AFG1L: variants seen among roughly 807,000 people sequenced by gnomAD.
AFG1L encodes AFG1 like ATPase, also known as AFG1-like ATPase.
In AFG1L, 53 loss-of-function variants were observed where a neutral mutation model predicts 62.2. The observed-to-expected ratio is 0.85, with a 90% CI of 0.68 to 1.07. The LOEUF is 1.07. AFG1L is among the 50% of genes least tolerant of loss of function. AFG1L has a pLI of 0.00. For synonymous variants in AFG1L, 228 were observed against 210.3 expected (o/e 1.08, Z -0.73); for missense variants, 555 against 590.5 (o/e 0.94, Z 0.62).
At chr6:108,487,358 A>G (rs1468047200) in intron 10 of AFG1L, among the ~76,000 whole-genome samples, 2 of 152,178 alleles carry the variant, frequency 1.3e-5, no homozygotes, top group South Asian at 4.1e-4. Context: ...CCGGGGCAAC[A>G]TAGCAAGACT....
At chr6:108,423,972 TTTATAA>T (rs1262515772) in intron 7 of AFG1L, among the ~76,000 whole-genome samples, 5 of 152,136 alleles carry the variant, frequency 3.3e-5, no homozygotes, top group African/African-American at 1.2e-4. Flanking sequence ...AACTTAAATC[TTTATAA>T]TTATTAACTG....
Position 108,368,701 on chromosome 6 carries a change from G to C in AFG1L, c.748+2369G>C, listed in dbSNP as rs148956239. 1.5e-4 allele frequency among the ~76,000 whole-genome samples: 23 copies of C among 152,248 alleles called. 1 individual carries two copies. In the East Asian group the frequency reaches 4.3e-3, roughly 28 times the overall value. On this transcript the variant is annotated intron_variant, in intron 6 of 12. Coordinates refer to ENST00000368977, the MANE Select transcript of AFG1L (RefSeq NM_145315.5). Reference sequence around the variant, plus strand: ...AGACATTCAGTGACAAGCTATGCTCGTAAATAGCAAAGAGCTAGAACAATT... The same window carrying C: ...AGACATTCAGTGACAAGCTATGCTCCTAAATAGCAAAGAGCTAGAACAATT...
At chr6:108,368,876 G>A (rs560177705) in intron 6 of AFG1L, among the ~76,000 whole-genome samples, 2 of 152,272 alleles carry the variant, frequency 1.3e-5, no homozygotes, top group Admixed American at 6.5e-5. Flanking sequence ...CAAAGCTACC[G>A]GTGTGTCAGG....
chr6:108,398,208 G>T (rs940441465), intron 6 of AFG1L, among the ~76,000 whole-genome samples: 5 of 152,274 alleles, frequency 3.3e-5, no homozygotes, highest in African/African-American at 1.2e-4. Context: ...GATCAATGAT[G>T]TTGAGCACTT....
chr6:108,385,261 G>A lies in AFG1L; in HGVS notation c.749-16735G>A, dbSNP rs532059403. 1.1e-4 allele frequency among the ~76,000 whole-genome samples: 16 copies of A among 152,378 alleles called. No individual in the cohort carries two copies. The South Asian group carries it at 2.3e-3, about 22-fold the overall frequency. On this transcript the variant is annotated intron_variant, in intron 6 of 12. Transcript: ENST00000368977. Reference sequence around the variant, plus strand: ...ACTGGCCATAAACAAAATCTCTGCAGCACTGTGACACATTTGTGATGGCCA... The same window carrying A: ...ACTGGCCATAAACAAAATCTCTGCAACACTGTGACACATTTGTGATGGCCA...
chr6:108,438,466 T>A (rs1771405361), intron 7 of AFG1L, among the ~76,000 whole-genome samples: 1 of 152,178 alleles, frequency 6.6e-6, no homozygotes, highest in Non-Finnish European at 1.5e-5. Flanking sequence ...AGGCTCTGTC[T>A]CCAAATACAG....
chr6:108,461,531 T>C (rs1772462119), intron 8 of AFG1L, among the ~76,000 whole-genome samples: 1 of 152,098 alleles, frequency 6.6e-6, no homozygotes, highest in Admixed American at 6.6e-5. Flanking sequence ...CCATCTCAGC[T>C]CACTGCAGCC....
At chr6:108,462,287 C>T (rs1772490983) in intron 8 of AFG1L, among the ~76,000 whole-genome samples, 1 of 151,716 alleles carries the variant, frequency 6.6e-6, no homozygotes. Context: ...GCCTGTGGTC[C>T]CAGCTGCTTG....
intron 7 of AFG1L, among the ~76,000 whole-genome samples, chr6:108,418,373 G>A (rs748055310): frequency 1.3e-5 from 2 of 152,146 alleles, no homozygotes; most frequent in African/African-American, 2.4e-5. Context: ...GGAGACTTAC[G>A]GCTTTCAAAG....
At chr6:108,505,240 C>A (rs992314488) in intron 10 of AFG1L, among the ~76,000 whole-genome samples, 13 of 151,980 alleles carry the variant, frequency 8.6e-5, no homozygotes, top group Non-Finnish European at 1.5e-5. Context: ...ATTGCAGGCG[C>A]CTGCCGCCGC....
chr6:108,476,983 G>A, intron 9 of AFG1L, 48 bp downstream of exon 9: 3 of 1,499,596 alleles, frequency 2.0e-6, no homozygotes, highest in South Asian at 1.1e-5. Context: ...AGAACACAAT[G>A]CCCAATCTCC....
intron 7 of AFG1L, among the ~76,000 whole-genome samples, chr6:108,418,614 A>C (rs1770439781): frequency 6.6e-6 from 1 of 152,188 alleles, no homozygotes; most frequent in African/African-American, 2.4e-5. Context: ...GATCGAAGGG[A>C]GGAAGCTTGG....
chr6:108,308,546 C>T (rs1018070403), intron 1 of AFG1L, among the ~76,000 whole-genome samples: 2 of 151,940 alleles, frequency 1.3e-5, no homozygotes, highest in Non-Finnish European at 2.9e-5. Context: ...TGGGGTTTTG[C>T]TCTGTTGCCC....
intron 10 of AFG1L, among the ~76,000 whole-genome samples, chr6:108,501,434 C>T (rs1408275356): frequency 6.6e-6 from 1 of 152,186 alleles, no homozygotes; most frequent in Non-Finnish European, 1.5e-5. Flanking sequence ...ATGAAGGAAG[C>T]TAGATGAAAT....
intron 2 of AFG1L, among the ~76,000 whole-genome samples, chr6:108,329,146 G>T (rs1172626376): frequency 4.4e-5 from 6 of 136,902 alleles, no homozygotes; most frequent in Non-Finnish European, 7.8e-5. Flanking sequence ...TTGCCATGTT[G>T]CCCAGGCTGG....
At chr6:108,502,196 TTTTGTTTGTTTG>T (rs939111401) in intron 10 of AFG1L, among the ~76,000 whole-genome samples, 3 of 151,330 alleles carry the variant, frequency 2.0e-5, no homozygotes, top group Admixed American at 6.6e-5. Context: ...TGGTTTTGCT[TTTTGTTTGTTTG>T]TTTGTTTGTT....
At chr6:108,519,881 C>T (rs1030389532) in intron 12 of AFG1L, 71 bp downstream of exon 12, 8 of 905,532 alleles carry the variant, frequency 8.8e-6, no homozygotes, top group Non-Finnish European at 1.4e-5. Flanking sequence ...TGCATGGCTA[C>T]ATTTTGAAGA....
At chr6:108,451,913 C>A (rs1310707228) in intron 8 of AFG1L, among the ~76,000 whole-genome samples, 2 of 152,092 alleles carry the variant, frequency 1.3e-5, no homozygotes, top group Admixed American at 1.3e-4. Context: ...CGGGGTTTTG[C>A]CAGATTTGCC....
chr6:108,500,528 C>T (rs888160306), intron 10 of AFG1L, among the ~76,000 whole-genome samples: 4 of 152,064 alleles, frequency 2.6e-5, no homozygotes, highest in Non-Finnish European at 5.9e-5. Context: ...CATACATTTT[C>T]TTTATCCAGT....
Sources: gnomAD v4.1 joint callset for allele counts (sites outside exome capture counted in the v4.1 genomes callset) on GRCh38, gnomAD v4.1.1 for gene constraint, MANE v1.5 for transcripts, NCBI Gene and HGNC (gene_info 2026-07-23, HGNC 2026-07-21) for gene names.